NCOR2: variants seen among roughly 807,000 people sequenced by gnomAD.
NCOR2 encodes CTG repeat protein 26.
In NCOR2, 81 loss-of-function variants were observed where a neutral mutation model predicts 262.9. The observed-to-expected ratio is 0.31, with a 90% CI of 0.26 to 0.37. NCOR2 has a LOEUF of 0.37. Ranked by LOEUF, NCOR2 falls within the 10% of genes least tolerant of loss-of-function variation. The pLI, the probability that NCOR2 is intolerant of heterozygous loss-of-function variation, is 1.00. For synonymous variants in NCOR2, 1,659 were observed against 1,559.3 expected, an observed-to-expected ratio of 1.06 and a Z score of -1.51; for missense variants, 3,385 against 3,621.4, an observed-to-expected ratio of 0.93 and a Z score of 1.68.
At chr12:124,527,315 G>A (rs867326503) in intron 1 of NCOR2, among the ~76,000 whole-genome samples, 4 of 152,166 alleles carry the variant, frequency 2.6e-5, no homozygotes, top group African/African-American at 7.2e-5. Context: ...GTGTGACCTC[G>A]GGCAAGATGC....
chr12:124,481,176 G>A lies in NCOR2; in HGVS notation c.411+2420C>T, dbSNP rs1428008389. Among the ~76,000 whole-genome samples, 1 of 151,746 alleles carries A rather than the reference G, an allele frequency of 6.6e-6. No homozygotes were observed. On this transcript the variant is annotated intron_variant, in intron 3 of 46. Coordinates refer to ENST00000405201, the Ensembl canonical transcript of NCOR2. The surrounding 1 kb of genome is among the most constrained non-coding windows in gnomAD (Gnocchi z 4.6). Reference sequence around the variant, plus strand: ...GAGGGAGGAAGAAGGAGGGAGGAAGGTGTAGAAGGAGAGAAGGAAGGGGAG... The same window carrying A: ...GAGGGAGGAAGAAGGAGGGAGGAAGATGTAGAAGGAGAGAAGGAAGGGGAG...
intron 1 of NCOR2, among the ~76,000 whole-genome samples, chr12:124,547,821 G>A (rs966001140): frequency 5.3e-5 from 8 of 152,106 alleles, no homozygotes; most frequent in African/African-American, 1.4e-4. Context: ...AGGTTCACCC[G>A]CAGTGTAGCA....
upstream of NCOR2, among the ~76,000 whole-genome samples, chr12:124,539,889 C>T (rs1230344062): frequency 2.6e-5 from 4 of 152,112 alleles, no homozygotes; most frequent in Non-Finnish European, 5.9e-5. This position sits in a 1 kb window ranked among gnomAD's most constrained non-coding sequence, Gnocchi z 5.1. Flanking sequence ...CTCGTCCATT[C>T]GCCACACCCA....
At chr12:124,533,714 A>G (rs933085551) in intron 1 of NCOR2, among the ~76,000 whole-genome samples, 1 of 152,278 alleles carries the variant, frequency 6.6e-6, no homozygotes, top group African/African-American at 2.4e-5. Flanking sequence ...GTACTGCTTA[A>G]CCACGGGGAC....
At chr12:124,442,118 CT>C (rs1476572628) in intron 7 of NCOR2, among the ~76,000 whole-genome samples, 2 of 152,116 alleles carry the variant, frequency 1.3e-5, no homozygotes, top group Admixed American at 6.6e-5. Context: ...GCCACTATTT[CT>C]TTCTTAGTAT....
At chr12:124,445,770 G>C (rs1469257955) in intron 7 of NCOR2, among the ~76,000 whole-genome samples, 1 of 152,220 alleles carries the variant, frequency 6.6e-6, no homozygotes, top group Non-Finnish European at 1.5e-5. Flanking sequence ...ATCTCCTAGA[G>C]GCCCAGAACA....
At chr12:124,510,098 C>T (rs143502533) in intron 1 of NCOR2, among the ~76,000 whole-genome samples, 276 of 152,346 alleles carry the variant, frequency 1.8e-3, no homozygotes, top group African/African-American at 6.4e-3. Flanking sequence ...TGGGGCCATC[C>T]CTGCCAGGCC....
chr12:124,348,342 G>C, intron 28 of NCOR2, 28 bp from the exon 31 acceptor site: 2 of 1,582,386 alleles, frequency 1.3e-6, no homozygotes, highest in Non-Finnish European at 1.7e-6. Flanking sequence ...CACTCGGTGA[G>C]GAGCTGGGCA....
intron 18 of NCOR2, among the ~76,000 whole-genome samples, chr12:124,375,699 C>T (rs2039937277): frequency 6.6e-6 from 1 of 152,210 alleles, no homozygotes; most frequent in Admixed American, 6.5e-5. Context: ...ACCAAATGCG[C>T]CTTGGATAAC....
intron 4 of NCOR2, among the ~76,000 whole-genome samples, chr12:124,469,476 G>C (rs532368823): frequency 6.6e-6 from 1 of 152,280 alleles, no homozygotes; most frequent in East Asian, 1.9e-4. Context: ...GCCCCGAAAG[G>C]GTGGGCAGGA....
At chr12:124,367,532 C>T (rs528433366) in intron 20 of NCOR2, among the ~76,000 whole-genome samples, 3 of 152,270 alleles carry the variant, frequency 2.0e-5, no homozygotes, top group African/African-American at 4.8e-5. Flanking sequence ...CCCATCTGAC[C>T]GCCCCTTGTC....
At chr12:124,351,450 G>A (rs1393603446) in intron 27 of NCOR2, among the ~76,000 whole-genome samples, 1 of 152,226 alleles carries the variant, frequency 6.6e-6, no homozygotes, top group African/African-American at 2.4e-5. Context: ...GAAGCCAGGA[G>A]TACACGCCTC....
chr12:124,516,387 G>T (rs2049783139), intron 1 of NCOR2, among the ~76,000 whole-genome samples: 1 of 152,212 alleles, frequency 6.6e-6, no homozygotes, highest in African/African-American at 2.4e-5. Context: ...AGGCATGGGG[G>T]GAGACCTGGG....
At chr12:124,446,531 C>T (rs1249921023) in intron 7 of NCOR2, among the ~76,000 whole-genome samples, 2 of 152,120 alleles carry the variant, frequency 1.3e-5, no homozygotes, top group East Asian at 3.9e-4. Context: ...AAGGCCTTTG[C>T]ACCTCCTGTT....
intron 2 of NCOR2, among the ~76,000 whole-genome samples, chr12:124,485,939 C>T (rs1023487582): frequency 4.0e-5 from 6 of 151,880 alleles, no homozygotes; most frequent in Admixed American, 3.9e-4. Flanking sequence ...GCTGTAGTCC[C>T]TCCAGCTCCC....
At chr12:124,556,391 C>T (rs1184982121) in intron 1 of NCOR2, 1 of 152,310 alleles carries the variant, frequency 6.6e-6, no homozygotes, top group African/African-American at 2.4e-5. Context: ...ACAGTGTGCC[C>T]AGCACTGCTC....
chr12:124,477,628 G>A (rs893835956), intron 3 of NCOR2, among the ~76,000 whole-genome samples: 2 of 152,168 alleles, frequency 1.3e-5, no homozygotes, highest in African/African-American at 4.8e-5. Context: ...TTTGTGAACC[G>A]ACCCTCAACT....
Position 124,378,285 on chromosome 12 carries a change from C to T in NCOR2, c.2119G>A (p.Ala707Thr), listed in dbSNP as rs2040170474. 6.2e-7 allele frequency: 1 copy of T among 1,614,034 alleles called. No individual in the cohort carries two copies. The highest frequency in any genetic ancestry group is 1.1e-5 in the South Asian group (1 of 91,080). ...TCCTCATTTCCGCTCACGCCCGACG[C>T]CTCCATCTCCTCATCCTCCACCACG... Residue 707 changes from alanine (A) to threonine (T), a missense_variant, in exon 18 of 47, where the codon GCG becomes ACG. This residue lies in a region of NCOR2 where 515 missense variants were observed against 781.2 expected (regional missense o/e 0.66). Transcript: ENST00000405201. The surrounding 1 kb of genome is among the most constrained non-coding windows in gnomAD (Gnocchi z 4.2).
chr12:124,503,162 A>C lies in NCOR2; in HGVS notation c.-117-7794T>G, dbSNP rs1463908420. Among the ~76,000 whole-genome samples the C allele has an allele frequency of 6.6e-6, 1 of 152,244 alleles. No individual in the cohort carries two copies. The highest frequency in any genetic ancestry group is 1.5e-5 in the Non-Finnish European group (1 of 68,040). On this transcript the variant is annotated intron_variant, in intron 1 of 46. Coordinates refer to the NCOR2 transcript ENST00000404621. This position sits in a 1 kb window ranked among gnomAD's most constrained non-coding sequence, Gnocchi z 4.3. ...AAACTCCGGTTGCTGACCCATTCTC[A>C]TCAATTAGAGAATTATTTCAGCATC...
Sources: allele counts gnomAD v4.1 joint callset (sites outside exome capture counted in the v4.1 genomes callset), GRCh38; gene constraint gnomAD v4.1.1; regional missense constraint gnomAD v4.1.1; non-coding constraint Gnocchi (gnomAD v3.1); transcripts MANE v1.5; gene names NCBI Gene and HGNC (gene_info 2026-07-23, HGNC 2026-07-21).